Variants in PPP2R2B observed in about 807,000 individuals in gnomAD.
PPP2R2B encodes protein phosphatase 2 regulatory subunit Bbeta.
Under a neutral mutation model 46.0 loss-of-function variants are expected in PPP2R2B, and 5 were observed. The ratio of observed to expected loss-of-function variants is 0.11; its 90% CI spans 0.06 to 0.23. PPP2R2B has a LOEUF of 0.23. Ranked by LOEUF, PPP2R2B falls within the 10% of genes least tolerant of loss-of-function variation. PPP2R2B has a pLI of 1.00. For missense variants in PPP2R2B, 367 were observed against 575.0 expected (o/e 0.64, Z 3.70); for synonymous variants, 215 against 206.7 (o/e 1.04, Z -0.34).
intron 1 of PPP2R2B, among the ~76,000 whole-genome samples, chr5:147,043,283 C>T (rs1035807066): frequency 1.3e-5 from 2 of 152,054 alleles, no homozygotes; most frequent in African/African-American, 2.4e-5. Flanking sequence ...GCCCCAACCC[C>T]CAATGTGGCT....
intron 2 of PPP2R2B, among the ~76,000 whole-genome samples, chr5:147,070,040 C>T (rs1355680689): frequency 2.0e-5 from 3 of 151,960 alleles, no homozygotes; most frequent in Admixed American, 1.3e-4. Context: ...CTGCCTGCCT[C>T]GGCCTCCCAA....
chr5:146,635,173 G>T (rs1158799395), intron 7 of PPP2R2B, among the ~76,000 whole-genome samples: 1 of 152,038 alleles, frequency 6.6e-6, no homozygotes, highest in East Asian at 1.9e-4. Context: ...TGAGGAATCT[G>T]GGGCTCAAAA....
At chr5:147,014,069 G>A in intron 1 of PPP2R2B, among the ~76,000 whole-genome samples, 2 of 122,184 alleles carry the variant, frequency 1.6e-5, no homozygotes, top group African/African-American at 3.0e-5. Context: ...TCAAAAAGTG[G>A]GCAAAGGACA....
At chr5:146,687,744 C>T (rs1778599992) in intron 5 of PPP2R2B, among the ~76,000 whole-genome samples, 2 of 152,072 alleles carry the variant, frequency 1.3e-5, no homozygotes, top group African/African-American at 2.4e-5. Context: ...AGGCTATCTT[C>T]TATGAAAGAT....
intron 2 of PPP2R2B, among the ~76,000 whole-genome samples, chr5:146,735,766 C>T (rs1752498651): frequency 6.6e-6 from 1 of 152,168 alleles, no homozygotes; most frequent in African/African-American, 2.4e-5. Flanking sequence ...ACAAGACTCA[C>T]ACCCACATTC....
chr5:146,602,002 T>C (rs1418254811), intron 7 of PPP2R2B, among the ~76,000 whole-genome samples: 1 of 152,258 alleles, frequency 6.6e-6, no homozygotes. Context: ...GTTGGATGTA[T>C]AGAGTATATC....
At chr5:146,794,785 C>T (rs921531940) in intron 2 of PPP2R2B, among the ~76,000 whole-genome samples, 2 of 152,142 alleles carry the variant, frequency 1.3e-5, no homozygotes, top group African/African-American at 4.8e-5. Context: ...TGAATTGTCT[C>T]TATTTTAGTG....
chr5:147,050,200 A>G (rs937637267), intron 1 of PPP2R2B, among the ~76,000 whole-genome samples: 1 of 152,208 alleles, frequency 6.6e-6, no homozygotes, highest in African/African-American at 2.4e-5. Flanking sequence ...ATATCAAACA[A>G]TGTAAGGTTT....
chr5:146,900,787 C>T (rs138763274), intron 1 of PPP2R2B, among the ~76,000 whole-genome samples: 130 of 151,908 alleles, frequency 8.6e-4, no homozygotes, highest in East Asian at 5.3e-3. Context: ...CCCCTCTCCC[C>T]GTGCCCCATC....
intron 5 of PPP2R2B, among the ~76,000 whole-genome samples, chr5:146,684,198 C>T (rs1778351328): frequency 6.6e-6 from 1 of 152,066 alleles, no homozygotes; most frequent in African/African-American, 2.4e-5. Flanking sequence ...GCCCCCAGAG[C>T]AGCAATAAAT....
intron 1 of PPP2R2B, among the ~76,000 whole-genome samples, chr5:147,004,120 G>A (rs1169387104): frequency 6.6e-6 from 1 of 152,168 alleles, no homozygotes; most frequent in African/African-American, 2.4e-5. Flanking sequence ...AGACCTTGGT[G>A]GTTCAGAGAG....
intron 4 of PPP2R2B, among the ~76,000 whole-genome samples, chr5:146,693,665 T>TGCC (rs937158250): frequency 9.2e-5 from 14 of 152,224 alleles, no homozygotes; most frequent in Non-Finnish European, 7.3e-5. Flanking sequence ...AGAAAGATGG[T>TGCC]GCCTCAGTTT....
upstream of PPP2R2B, among the ~76,000 whole-genome samples, chr5:146,880,135 A>G (rs1762115137): frequency 6.6e-6 from 1 of 152,012 alleles, no homozygotes; most frequent in African/African-American, 2.4e-5. Flanking sequence ...TTGACTGCAT[A>G]TCCCTGGGAG....
intron 1 of PPP2R2B, among the ~76,000 whole-genome samples, chr5:146,947,632 C>T (rs994227121): frequency 2.6e-5 from 4 of 151,906 alleles, no homozygotes; most frequent in Non-Finnish European, 5.9e-5. Flanking sequence ...TGGGGCCAGC[C>T]CTATTTTGTG....
rs533590691 is a variant in PPP2R2B, at chr5:147,030,974, C to T, written c.79+24691G>A. On this transcript the variant is annotated intron_variant, in intron 1 of 8. Coordinates refer to the PPP2R2B transcript ENST00000336640. ...CTTTATGGCCGTGCGCGGTGGCTCA[C>T]GCCTGTAATCCCAGCACTTTGAGAG... Among the ~76,000 whole-genome samples the T allele has an allele frequency of 9.7e-4, 148 of 152,260 alleles. 2 individuals carry two copies. The highest frequency in any genetic ancestry group is 2.9e-3 in the African/African-American group (119 of 41,552).
intron 5 of PPP2R2B, among the ~76,000 whole-genome samples, chr5:146,673,636 TA>T (rs10707393): frequency 0.88 from 134,118 of 152,110 alleles, 59,644 homozygotes; most frequent in Non-Finnish European, 0.94. Context: ...GATTCAAAAC[TA>T]AGACCCTTGA....
At chr5:147,027,975 C>T (rs1333288981) in intron 1 of PPP2R2B, among the ~76,000 whole-genome samples, 1 of 152,170 alleles carries the variant, frequency 6.6e-6, no homozygotes, top group Non-Finnish European at 1.5e-5. Flanking sequence ...TCTGCTGTCA[C>T]GGACTTTGTG....
chr5:146,959,252 A>G (rs1395503772), intron 1 of PPP2R2B, among the ~76,000 whole-genome samples: 1 of 152,176 alleles, frequency 6.6e-6, no homozygotes, highest in Non-Finnish European at 1.5e-5. Flanking sequence ...GCCTTCTAGC[A>G]TTAATGTTTT....
Position 146,584,170 on chromosome 5 carries a change from C to T in PPP2R2B, c.*5777G>A, listed in dbSNP as rs6862361. 66 of 152,244 alleles carry T rather than the reference C, an allele frequency of 4.3e-4. No individual in the cohort carries two copies. Among genetic ancestry groups the T allele is most frequent in the African/African-American group, 1.3e-3 (54 of 41,450 alleles). 9.4% of individuals were successfully genotyped at this position (152,244 alleles called of 1,614,324 possible). A position where few individuals can be genotyped will look rare whatever the true frequency, so the allele number is the denominator to read the frequency against. On this transcript the variant is annotated 3_prime_UTR_variant, in exon 10 of 10. Coordinates refer to ENST00000394411, the MANE Select transcript of PPP2R2B (RefSeq NM_181675.4). ...CAGTGGCTAAGCCCCTTCTTCTGGC[C>T]TGACAGTGATCATTGCTTTGATTGC... is the stretch of plus-strand genomic sequence containing the variant.
Sources: gnomAD v4.1 joint callset for allele counts (sites outside exome capture counted in the v4.1 genomes callset) on GRCh38, gnomAD v4.1.1 for gene constraint, MANE v1.5 for transcripts, NCBI Gene and HGNC (gene_info 2026-07-23, HGNC 2026-07-21) for gene names.